TRIM9: variants seen among roughly 807,000 people sequenced by gnomAD.
TRIM9 encodes the protein E3 ubiquitin-protein ligase TRIM9.
A neutral mutation model predicts 78.3 loss-of-function variants in TRIM9; 26 were observed. That is an observed-to-expected ratio of 0.33 (90% CI 0.24 to 0.46). The LOEUF (loss-of-function observed/expected upper bound fraction) is 0.46. Among genes scored for constraint, TRIM9 ranks in the 20% least tolerant of loss-of-function variants. TRIM9 has a pLI of 1.00. For synonymous variants in TRIM9, 398 were observed against 416.5 expected, an observed-to-expected ratio of 0.96 and a Z score of 0.54; for missense variants, 787 against 1,036.4, an observed-to-expected ratio of 0.76 and a Z score of 3.30.
chr14:51,007,223 T>G (rs190372368), intron 5 of TRIM9, among the ~76,000 whole-genome samples: 16 of 152,328 alleles, frequency 1.1e-4, no homozygotes. Flanking sequence ...ATTTTTTCCT[T>G]TAAGCTACTT....
intron 7 of TRIM9, 150 bp downstream of exon 7, chr14:50,997,900 A>G: frequency 6.8e-7 from 1 of 1,471,652 alleles, no homozygotes; most frequent in South Asian, 1.4e-5. Context: ...CTCTAAAGGC[A>G]GGAGAGGAAC....
chr14:51,085,706 A>C (rs1002485880), intron 1 of TRIM9, among the ~76,000 whole-genome samples: 1 of 152,330 alleles, frequency 6.6e-6, no homozygotes, highest in South Asian at 2.1e-4. Flanking sequence ...ATGCCTATGG[A>C]TTTTTATTTT....
At chr14:50,983,055 G>T (rs2139318580) in intron 9 of TRIM9, 90 bp from the exon 10 acceptor site, 3 of 1,263,638 alleles carry the variant, frequency 2.4e-6, no homozygotes, top group Non-Finnish European at 3.4e-6. Context: ...TGATAGACTA[G>T]TACCCCAAAA....
At chr14:51,078,740 T>G (rs748664405) in intron 1 of TRIM9, among the ~76,000 whole-genome samples, 2 of 152,148 alleles carry the variant, frequency 1.3e-5, no homozygotes, top group Non-Finnish European at 2.9e-5. Context: ...GTGGTTACCA[T>G]GGTGGGGAGA....
chr14:51,045,550 A>G (rs780819381), intron 1 of TRIM9, among the ~76,000 whole-genome samples: 1 of 152,234 alleles, frequency 6.6e-6, no homozygotes, highest in Non-Finnish European at 1.5e-5. Context: ...GGTCCCTTCC[A>G]ACTGGATGTC....
At chr14:51,016,657 G>A (rs1269926941) in intron 3 of TRIM9, among the ~76,000 whole-genome samples, 1 of 151,908 alleles carries the variant, frequency 6.6e-6, no homozygotes, top group African/African-American at 2.4e-5. Context: ...GAGCATCTGT[G>A]GATTTTGGTA....
chr14:50,982,304 C>G (rs2139310439), intron 10 of TRIM9: 2 of 613,052 alleles, frequency 3.3e-6, no homozygotes, highest in South Asian at 4.0e-5. Context: ...GGACACACGA[C>G]CGATTCAGCA....
At position 51,011,727 on chromosome 14, in the gene TRIM9, A is replaced by G. The variant is rs879629627; in HGVS notation, c.1042-1233T>C. 2.0e-5 allele frequency among the ~76,000 whole-genome samples: 3 copies of G among 152,260 alleles called. No homozygotes were observed. The East Asian group carries it at 5.8e-4, about 29-fold the overall frequency. ...TCATCCACTTTCCAAAACAATCAGG[A>G]AATAGATGAGAAAAAGCAAATACTC... is the stretch of plus-strand genomic sequence containing the variant. On this transcript the variant is annotated intron_variant, in intron 3 of 12. Coordinates refer to ENST00000684578, the MANE Select transcript of TRIM9 (RefSeq NM_001387360.1).
chr14:50,996,389 C>T (rs772323226), intron 7 of TRIM9: 52 of 985,258 alleles, frequency 5.3e-5, no homozygotes, highest in Non-Finnish European at 5.9e-5. Context: ...AACTGAGGCG[C>T]TACATCCTCC....
At chr14:51,059,588 A>C (rs746217230) in intron 1 of TRIM9, among the ~76,000 whole-genome samples, 1 of 152,190 alleles carries the variant, frequency 6.6e-6, no homozygotes, top group African/African-American at 2.4e-5. Context: ...TCACGAGGTC[A>C]GGAGTTCAAG....
chr14:51,052,655 T>C (rs1474493374), intron 1 of TRIM9, among the ~76,000 whole-genome samples: 1 of 152,180 alleles, frequency 6.6e-6, no homozygotes, highest in African/African-American at 2.4e-5. Context: ...GCGGCCAAAA[T>C]TCTATAACAT....
intron 3 of TRIM9, among the ~76,000 whole-genome samples, chr14:51,010,709 A>G (rs1258119567): frequency 1.3e-5 from 2 of 152,210 alleles, no homozygotes; most frequent in African/African-American, 4.8e-5. Flanking sequence ...AACAGGACCC[A>G]TCAGAAGGGA....
intron 1 of TRIM9, among the ~76,000 whole-genome samples, chr14:51,078,684 C>T (rs1462775480): frequency 1.3e-5 from 2 of 151,954 alleles, no homozygotes; most frequent in African/African-American, 4.8e-5. Context: ...GTATTACTTA[C>T]GTGGAATCTA....
intron 3 of TRIM9, among the ~76,000 whole-genome samples, chr14:51,017,954 G>A (rs2057376149): frequency 1.3e-5 from 2 of 152,146 alleles, no homozygotes; most frequent in African/African-American, 4.8e-5. Context: ...GCAGAAGACT[G>A]CAAAATATGC....
intron 1 of TRIM9, among the ~76,000 whole-genome samples, chr14:51,041,388 G>C (rs2059566480): frequency 1.3e-5 from 2 of 152,272 alleles, no homozygotes; most frequent in South Asian, 4.1e-4. Context: ...AGAACAAAGT[G>C]CAGGGAAATG....
At chr14:51,029,778 G>A (rs1566595915) in intron 1 of TRIM9, among the ~76,000 whole-genome samples, 1 of 84,062 alleles carries the variant, frequency 1.2e-5, no homozygotes, top group Non-Finnish European at 3.5e-5. Flanking sequence ...GGATACCCCT[G>A]AGTGAAGGTT....
At chr14:51,036,482 A>G (rs993137445) in intron 1 of TRIM9, among the ~76,000 whole-genome samples, 2 of 152,186 alleles carry the variant, frequency 1.3e-5, no homozygotes, top group African/African-American at 4.8e-5. Context: ...AAGGGGCTTT[A>G]CCAGCTCAAC....
chr14:51,033,547 C>T (rs118053017), intron 1 of TRIM9, among the ~76,000 whole-genome samples: 1 of 152,166 alleles, frequency 6.6e-6, no homozygotes, highest in South Asian at 2.1e-4. Flanking sequence ...TTGCTCTGGT[C>T]CCATTTTGTC....
chr14:51,009,564 A>G (rs2056300738), intron 4 of TRIM9, among the ~76,000 whole-genome samples: 1 of 152,250 alleles, frequency 6.6e-6, no homozygotes, highest in Non-Finnish European at 1.5e-5. Flanking sequence ...GTTGGAAACT[A>G]GTTAATTTCT....
Sources: allele counts gnomAD v4.1 joint callset (sites outside exome capture counted in the v4.1 genomes callset), GRCh38; gene constraint gnomAD v4.1.1; transcripts MANE v1.5; gene names NCBI Gene and HGNC (gene_info 2026-07-23, HGNC 2026-07-21).